The following SKIC3 variants were observed in gnomAD, a reference collection of about 807,000 sequenced individuals.
SKIC3 encodes superkiller complex protein 3.
At chr5:95,465,573 T>C in the SKIC3 span, among the ~76,000 whole-genome samples, 1 of 152,224 alleles carries the variant, frequency 6.6e-6, no homozygotes, top group Admixed American at 6.5e-5. Flanking sequence ...CACAGTTCCA[T>C]AGATACTGCC....
the SKIC3 span, among the ~76,000 whole-genome samples, chr5:95,486,027 T>G: frequency 2.0e-4 from 31 of 152,232 alleles, 1 homozygote; most frequent in African/African-American, 7.5e-4. Flanking sequence ...ATTCTAGCCA[T>G]AAGACAACCT....
At chr5:95,505,363 T>C in the SKIC3 span, among the ~76,000 whole-genome samples, 1 of 152,224 alleles carries the variant, frequency 6.6e-6, no homozygotes, top group African/African-American at 2.4e-5. Context: ...GAAAGAGGAC[T>C]ACCTTAGATT....
chr5:95,464,882 C>T, the SKIC3 span, among the ~76,000 whole-genome samples: 1 of 149,614 alleles, frequency 6.7e-6, no homozygotes, highest in Non-Finnish European at 1.5e-5. Flanking sequence ...CAGAGAGATG[C>T]ACAATTCATT....
chr5:95,470,384 G>T, the SKIC3 span, among the ~76,000 whole-genome samples: 1 of 152,144 alleles, frequency 6.6e-6, no homozygotes, highest in Non-Finnish European at 1.5e-5. Flanking sequence ...TGCTCTAAAG[G>T]AGCTATAAAA....
the SKIC3 span, among the ~76,000 whole-genome samples, chr5:95,529,599 ATT>A: frequency 6.6e-6 from 1 of 152,006 alleles, no homozygotes; most frequent in Non-Finnish European, 1.5e-5. Flanking sequence ...TATTTCACAG[ATT>A]CATCTCTGCC....
At chr5:95,489,905 T>C in the SKIC3 span, among the ~76,000 whole-genome samples, 3 of 152,200 alleles carry the variant, frequency 2.0e-5, no homozygotes, top group Admixed American at 1.3e-4. Flanking sequence ...TTCAATCTTA[T>C]ATAATCTAAT....
chr5:95,520,703 G>T, the SKIC3 span: 2 of 1,590,850 alleles, frequency 1.3e-6, no homozygotes, highest in Non-Finnish European at 8.6e-7. Flanking sequence ...TAAATAATAA[G>T]AATAATACGA....
the SKIC3 span, among the ~76,000 whole-genome samples, chr5:95,541,110 G>A: frequency 1.3e-5 from 2 of 152,062 alleles, no homozygotes; most frequent in African/African-American, 4.8e-5. Context: ...GGTATTACAG[G>A]CATGCGCCAC....
At chr5:95,551,262 G>A in the SKIC3 span, among the ~76,000 whole-genome samples, 2 of 151,996 alleles carry the variant, frequency 1.3e-5, no homozygotes, top group Admixed American at 6.5e-5. Flanking sequence ...AGTGGCTTCT[G>A]TCAAACAAAA....
At chr5:95,466,952 T>A in the SKIC3 span, among the ~76,000 whole-genome samples, 1 of 152,102 alleles carries the variant, frequency 6.6e-6, no homozygotes, top group Non-Finnish European at 1.5e-5. Context: ...CAACGGTAAA[T>A]AAATAATATG....
At chr5:95,490,504 A>ATAT in the SKIC3 span, among the ~76,000 whole-genome samples, 133 of 144,246 alleles carry the variant, frequency 9.2e-4, no homozygotes, top group African/African-American at 1.2e-3. Context: ...ATATATATAT[A>ATAT]TTTTTTTTTT....
the SKIC3 span, among the ~76,000 whole-genome samples, chr5:95,480,401 C>CA: frequency 1.3e-5 from 2 of 152,004 alleles, no homozygotes; most frequent in South Asian, 4.1e-4. Flanking sequence ...AAAAATTATG[C>CA]AAAGCACTTT....
chr5:95,484,686 A>T, the SKIC3 span: 2 of 1,613,694 alleles, frequency 1.2e-6, no homozygotes, highest in Non-Finnish European at 1.7e-6. Context: ...CCAGTAAGAT[A>T]AGAATCCATG....
At chr5:95,530,693 A>G in the SKIC3 span, among the ~76,000 whole-genome samples, 1 of 152,202 alleles carries the variant, frequency 6.6e-6, no homozygotes, top group Non-Finnish European at 1.5e-5. Flanking sequence ...AGGACACTGC[A>G]CAAAGACTTA....
chr5:95,537,722 T>C, the SKIC3 span, among the ~76,000 whole-genome samples: 13 of 152,284 alleles, frequency 8.5e-5, no homozygotes, highest in African/African-American at 2.9e-4. Flanking sequence ...CTTCTAAATA[T>C]GTCTGGAATA....
chr5:95,493,317 G>C, the SKIC3 span, among the ~76,000 whole-genome samples: 1 of 152,138 alleles, frequency 6.6e-6, no homozygotes, highest in Non-Finnish European at 1.5e-5. Flanking sequence ...CCTTGAGTAT[G>C]TATTTATCCA....
At chr5:95,506,918 G>GA in the SKIC3 span, 15 of 1,612,002 alleles carry the variant, frequency 9.3e-6, no homozygotes, top group South Asian at 4.4e-5. Flanking sequence ...AATTAATGGA[G>GA]AAAAAATACG....
the SKIC3 span, among the ~76,000 whole-genome samples, chr5:95,471,658 G>A: frequency 6.6e-6 from 1 of 152,076 alleles, no homozygotes; most frequent in Non-Finnish European, 1.5e-5. Flanking sequence ...AGTAGCAGGT[G>A]GCTGGTTCCT....
At chr5:95,541,350 G>T in the SKIC3 span, 1 of 1,613,510 alleles carries the variant, frequency 6.2e-7, no homozygotes, top group East Asian at 2.2e-5. Flanking sequence ...CAAGTTTCTT[G>T]CAGACATCAC....
Sources: gnomAD v4.1 joint callset for allele counts (sites outside exome capture counted in the v4.1 genomes callset) on GRCh38, gnomAD v4.1.1 for gene constraint, MANE v1.5 for transcripts, NCBI Gene and HGNC (gene_info 2026-07-23, HGNC 2026-07-21) for gene names.